SAMSN1: variants seen among roughly 807,000 people sequenced by gnomAD.
SAMSN1 encodes SAM domain-containing protein SAMSN-1.
A neutral mutation model predicts 42.0 loss-of-function variants in SAMSN1; 31 were observed. That is an observed-to-expected ratio of 0.74 (90% CI 0.55 to 1.00). The LOEUF is 1.00. Ranked by LOEUF, SAMSN1 falls within the 50% of genes least tolerant of loss-of-function variation. The probability of loss-of-function intolerance (pLI) is 0.00; values close to 1 mark genes in which losing one functional copy is unlikely to be tolerated. For missense variants in SAMSN1, 464 were observed against 439.4 expected (o/e 1.06, Z -0.50); for synonymous variants, 178 against 151.9 (o/e 1.17, Z -1.26).
intron 5 of SAMSN1, among the ~76,000 whole-genome samples, chr21:14,605,902 C>T (rs945353542): frequency 3.3e-5 from 5 of 151,358 alleles, no homozygotes; most frequent in South Asian, 2.1e-4. Context: ...AGTGCAGTGG[C>T]GCGATCTGGG....
At chr21:14,647,586 A>G (rs199680345) in intron 1 of SAMSN1, among the ~76,000 whole-genome samples, 12,680 of 139,780 alleles carry the variant, frequency 0.091, 682 homozygotes, top group Admixed American at 0.19. Flanking sequence ...CAGTATGGCC[A>G]TTTTCACGAT....
rs572188052 is a variant in SAMSN1, at chr21:14,647,409, T to C, written c.25-4276A>G. Reference sequence around the variant, plus strand: ...TGCAGCCTTGTAGTATAGTTTGAAGTCAGGTAGTGTGATGCCTCCAGCTTT... The same window carrying C: ...TGCAGCCTTGTAGTATAGTTTGAAGCCAGGTAGTGTGATGCCTCCAGCTTT... On this transcript the variant is annotated intron_variant, in intron 1 of 15. Coordinates refer to the SAMSN1 transcript ENST00000647101. Among the ~76,000 whole-genome samples, 729 of 147,782 alleles carry C rather than the reference T, an allele frequency of 4.9e-3. 10 individuals are homozygous for C. The highest frequency in any genetic ancestry group is 0.017 in the African/African-American group (700 of 40,910).
chr21:14,579,260 C>T (rs898765786), intron 2 of SAMSN1, among the ~76,000 whole-genome samples: 3 of 152,182 alleles, frequency 2.0e-5, no homozygotes, highest in African/African-American at 7.2e-5. Context: ...GAATGCTGAA[C>T]AATATCATCT....
intron 3 of SAMSN1, among the ~76,000 whole-genome samples, chr21:14,515,839 G>C (rs1402295682): frequency 6.6e-6 from 1 of 152,116 alleles, no homozygotes; most frequent in Non-Finnish European, 1.5e-5. Flanking sequence ...CAATGGATTT[G>C]AAAAACACTT....
chr21:14,597,320 C>A (rs1277087716), intron 6 of SAMSN1, among the ~76,000 whole-genome samples: 2 of 152,142 alleles, frequency 1.3e-5, no homozygotes, highest in East Asian at 3.9e-4. Context: ...GTCCATTCTA[C>A]ACGCATCTCC....
In SAMSN1 at chr21:14,498,473, T is replaced by C; in HGVS notation, c.888A>G (p.Leu296=). The change falls in exon 7 of 8, where the codon CTA becomes CTG. Residue 296 remains leucine, a synonymous_variant. Coordinates refer to ENST00000400566, the MANE Select transcript of SAMSN1 (RefSeq NM_022136.5). ...CTTCAAGGAAGTTTTCAGCAGCTGA[T>C]AGTAACCTTCTTCTGTCATCTGGGT... ...IENPDDRRRL[L]SAAENFLEEE... is the part of the protein sequence containing the mutation. The C allele has an allele frequency of 3.7e-6, 6 of 1,611,100 alleles. No individual in the cohort carries two copies. The highest frequency in any genetic ancestry group is 5.1e-6 in the Non-Finnish European group (6 of 1,179,174).
intron 1 of SAMSN1, among the ~76,000 whole-genome samples, chr21:14,645,033 C>T (rs1210793988): frequency 6.6e-6 from 1 of 152,198 alleles, no homozygotes; most frequent in Non-Finnish European, 1.5e-5. Context: ...GTTTTAGACT[C>T]TAATCCCTGA....
rs868447549 is a variant in SAMSN1, at chr21:14,521,194, G to C, written c.85C>G (p.Arg29Gly). 1.2e-6 allele frequency: 2 copies of C among 1,610,864 alleles called. No homozygotes were observed. Among genetic ancestry groups the C allele is most frequent in the Non-Finnish European group, 8.5e-7 (1 of 1,178,340 alleles). Residue 29 changes from arginine to glycine, a missense_variant, in exon 2 of 8, where the codon CGT (arginine) becomes GGT (glycine). By Grantham distance (125) the Arg-to-Gly change is moderately radical. Coordinates refer to ENST00000400566, the MANE Select transcript of SAMSN1 (RefSeq NM_022136.5). ...TTTGATAAAGAATTATTCCGAAAAC[G>C]ATCGAAATTCCCAAAACTGCTGCTT... ...KRSSSFGNFD[R>G]FRNNSLSKPD...
chr21:14,585,069 C>A (rs78904582), upstream of SAMSN1, among the ~76,000 whole-genome samples: 6,412 of 152,222 alleles, frequency 0.042, 214 homozygotes, highest in South Asian at 0.1. Flanking sequence ...ATATTGAAAT[C>A]ATTTTAATCT....
chr21:14,526,808 T>G (rs987809413), intron 1 of SAMSN1, among the ~76,000 whole-genome samples: 2 of 152,320 alleles, frequency 1.3e-5, no homozygotes, highest in East Asian at 3.9e-4. Flanking sequence ...CTCGGTTTCC[T>G]AGAATACTGA....
At chr21:14,582,257 G>C in exon 2 of SAMSN1, 3 of 1,550,842 alleles carry the variant, frequency 1.9e-6, no homozygotes, top group East Asian at 2.4e-5. Context: ...TGTCCAGAGA[G>C]GGTTTTCAGG....
intron 5 of SAMSN1, among the ~76,000 whole-genome samples, chr21:14,508,255 G>C (rs1987509418): frequency 6.6e-6 from 1 of 152,146 alleles, no homozygotes. Flanking sequence ...GAAACAGTCA[G>C]CAGAGCAAAC....
At position 14,498,600 on chromosome 21, in the gene SAMSN1, A is replaced by G; in HGVS notation, c.769-8T>C. ...AAGTGTTGAGGTGTATTCCTGTAAG[A>G]CAAAAAATATAAAGCAAATTAGTCA... On this transcript the variant is annotated splice_region_variant and splice_polypyrimidine_tract_variant and intron_variant, in intron 6 of 7. Coordinates refer to ENST00000400566, the MANE Select transcript of SAMSN1 (RefSeq NM_022136.5). The G allele has an allele frequency of 1.3e-6, 2 of 1,550,602 alleles. No individual in the cohort carries two copies. Among genetic ancestry groups the G allele is most frequent in the Non-Finnish European group, 1.7e-6 (2 of 1,157,816 alleles).
chr21:14,557,807 G>C (rs1980812412), intron 2 of SAMSN1, among the ~76,000 whole-genome samples: 1 of 152,128 alleles, frequency 6.6e-6, no homozygotes, highest in Non-Finnish European at 1.5e-5. Context: ...CTCTGCACTT[G>C]GACTACCAGT....
chr21:14,612,505 C>A (rs564137982), intron 4 of SAMSN1: 2 of 375,248 alleles, frequency 5.3e-6, no homozygotes, highest in African/African-American at 2.1e-5. Context: ...ATAATGAAAC[C>A]ACTTTCTGCT....
At chr21:14,580,239 TCATTC>T (rs1981659360) in intron 2 of SAMSN1, among the ~76,000 whole-genome samples, 1 of 152,152 alleles carries the variant, frequency 6.6e-6, no homozygotes. Flanking sequence ...GAATAGCAAA[TCATTC>T]AGTTTGGCAG....
At chr21:14,498,670 T>G in intron 6 of SAMSN1, 78 bp from the exon 7 acceptor site, 2 of 1,197,178 alleles carry the variant, frequency 1.7e-6, no homozygotes, top group Non-Finnish European at 2.3e-6. Flanking sequence ...TTAAAGAAAG[T>G]ATAGAGATGC....
At chr21:14,574,473 G>A (rs1981397166) in intron 2 of SAMSN1, among the ~76,000 whole-genome samples, 1 of 152,056 alleles carries the variant, frequency 6.6e-6, no homozygotes, top group South Asian at 2.1e-4. Flanking sequence ...AAATCCTTAG[G>A]GTAATTCATG....
chr21:14,520,867 G>A (rs1978415357), intron 2 of SAMSN1, among the ~76,000 whole-genome samples: 1 of 151,980 alleles, frequency 6.6e-6, no homozygotes. Context: ...TTGCTTTGTT[G>A]AGAGTTCCTC....
Sources: allele counts gnomAD v4.1 joint callset (sites outside exome capture counted in the v4.1 genomes callset), GRCh38; gene constraint gnomAD v4.1.1; transcripts MANE v1.5; gene names NCBI Gene and HGNC (gene_info 2026-07-23, HGNC 2026-07-21).